The following CLSPN variants were observed in gnomAD, a reference collection of about 807,000 sequenced individuals.
CLSPN encodes the protein claspin.
A neutral mutation model predicts 156.3 loss-of-function variants in CLSPN; 85 were observed. The ratio of observed to expected loss-of-function variants is 0.54; its 90% confidence interval spans 0.46 to 0.65. The LOEUF (loss-of-function observed/expected upper bound fraction) is 0.65, where lower values mean the gene tolerates loss of function less well. CLSPN is among the 30% of genes least tolerant of loss of function. The pLI, the probability that CLSPN is intolerant of heterozygous loss-of-function variation, is 0.00. For synonymous variants in CLSPN, 534 were observed against 542.4 expected, an observed-to-expected ratio of 0.98 and a Z score of 0.22; for missense variants, 1,407 against 1,554.9, an observed-to-expected ratio of 0.90 and a Z score of 1.60.
chr1:35,725,065 C>A (rs150930018), intron 24 of CLSPN, among the ~76,000 whole-genome samples: 3 of 152,268 alleles, frequency 2.0e-5, no homozygotes, highest in African/African-American at 7.2e-5. Context: ...TCAACAAAAT[C>A]TTTCCAATAT....
chr1:35,756,063 T>C (rs993409022), intron 8 of CLSPN, among the ~76,000 whole-genome samples: 1 of 152,240 alleles, frequency 6.6e-6, no homozygotes, highest in African/African-American at 2.4e-5. Flanking sequence ...GATGTGTTTT[T>C]TTCCTCTAGA....
intron 1 of CLSPN, 39 bp downstream of exon 1, chr1:35,769,808 C>T: frequency 1.3e-6 from 2 of 1,577,576 alleles, no homozygotes; most frequent in Non-Finnish European, 1.7e-6. Flanking sequence ...CGGTGCCCGG[C>T]CTTCTAAGCC....
chr1:35,755,458 A>C lies in CLSPN; in HGVS notation c.1580-1522T>G, dbSNP rs529166509. On this transcript the variant is annotated intron_variant, in intron 8 of 24. Coordinates refer to ENST00000318121, the MANE Select transcript of CLSPN (RefSeq NM_022111.4). ...ATTTTTTTATTTTTATTTTTAGTAG[A>C]GATGGGGTTTCACCATGTTGGCCAG... Among the ~76,000 whole-genome samples the C allele has an allele frequency of 1.8e-3, 277 of 152,054 alleles. 1 individual carries two copies. Among genetic ancestry groups the C allele is most frequent in the African/African-American group, 6.1e-3 (253 of 41,474 alleles).
At chr1:35,753,530 TA>T (rs1642170177) in intron 9 of CLSPN, among the ~76,000 whole-genome samples, 1 of 121,482 alleles carries the variant, frequency 8.2e-6, no homozygotes, top group Non-Finnish European at 1.6e-5. Flanking sequence ...GGGTTTTTTA[TA>T]ATAAGACAAA....
intron 8 of CLSPN, among the ~76,000 whole-genome samples, chr1:35,757,209 G>A (rs552530949): frequency 1.3e-5 from 2 of 152,036 alleles, no homozygotes; most frequent in Non-Finnish European, 2.9e-5. Context: ...TACCTTGATC[G>A]CAGCACTTAC....
intron 1 of CLSPN, among the ~76,000 whole-genome samples, chr1:35,765,548 G>A (rs1169458346): frequency 6.6e-6 from 1 of 150,990 alleles, no homozygotes; most frequent in African/African-American, 2.4e-5. Flanking sequence ...TTTTAGTAAC[G>A]GTAAAAAAAA....
At chr1:35,727,633 C>T (rs1641225013), downstream of CLSPN, among the ~76,000 whole-genome samples, 1 of 152,196 alleles carries the variant, frequency 6.6e-6, no homozygotes, top group Non-Finnish European at 1.5e-5. Context: ...TGCACTGATC[C>T]TTGGAAACGG....
rs6664527 is a variant in CLSPN, at chr1:35,723,848, G to A, written c.3910-2868C>T. On this transcript the variant is annotated intron_variant, in intron 24 of 24. Transcript: ENST00000251195. ...TCTACTAAAAATACAAAAATTAGCC[G>A]GGCATGGTGGCACACGCCTGTAATC... Among the ~76,000 whole-genome samples, 306 of 152,214 alleles carry A rather than the reference G, an allele frequency of 2.0e-3. 1 individual carries two copies. Among genetic ancestry groups the A allele is most frequent in the African/African-American group, 6.9e-3 (287 of 41,520 alleles).
At chr1:35,731,471 G>A (rs574924041), downstream of CLSPN, among the ~76,000 whole-genome samples, 19 of 152,226 alleles carry the variant, frequency 1.2e-4, 1 homozygote, top group South Asian at 2.7e-3. Context: ...TGAGTGCAGC[G>A]GAAGACATTA....
chr1:35,721,074 T>G (rs1214203114), intron 24 of CLSPN: 2 of 864,088 alleles, frequency 2.3e-6, no homozygotes, highest in Non-Finnish European at 3.6e-6. Flanking sequence ...GCATCTAAAC[T>G]TATAGTTTTG....
Position 35,737,997 on chromosome 1 carries a change from T to G in CLSPN, c.3659A>C (p.Lys1220Thr). The change falls in exon 22 of 25, where the codon AAG becomes ACG. Residue 1220 changes from lysine to threonine, a missense_variant. Coordinates refer to ENST00000318121, the MANE Select transcript of CLSPN (RefSeq NM_022111.4). ...AAGGAGAAACAAGAGCTCACCATTC[T>G]TCTGCAGTGCTTTGGCTGTAACTTT... ...AKKVTAKALQ[K>T]NASRPMVIQE... The G allele has an allele frequency of 6.8e-7, 1 of 1,473,050 alleles. No individual in the cohort carries two copies. Among genetic ancestry groups the G allele is most frequent in the Non-Finnish European group, 9.1e-7 (1 of 1,098,846 alleles). 91.2% of individuals were successfully genotyped at this position (1,473,050 alleles called of 1,614,324 possible).
rs541572212 is a variant in CLSPN, at chr1:35,760,511, T to C, written c.1410A>G (p.Lys470=). ...GPQNPEETDE[K]VEEPEQQNKS... ...TATTTTGCTGCTCAGGCTCTTCCAC[T>C]TTCTCATCTGTTTCTTCTGGATTTT... Residue 470 remains lysine (K), a synonymous_variant, in exon 8 of 25, where the codon AAA becomes AAG. Coordinates refer to ENST00000318121, the MANE Select transcript of CLSPN (RefSeq NM_022111.4). 4.6e-5 allele frequency: 75 copies of C among 1,614,104 alleles called. No homozygotes were observed. The highest frequency in any genetic ancestry group is 6.2e-5 in the Non-Finnish European group (73 of 1,180,042).
rs1439554757 is a variant in CLSPN, at chr1:35,736,462, A to G, written c.*34T>C. ...TTCAGTGCTAGAAACTTCTCAAAGCAGTCTCAATGTAGATTTTGGCACCTT... is the reference window on the plus strand; with the variant it reads ...TTCAGTGCTAGAAACTTCTCAAAGCGGTCTCAATGTAGATTTTGGCACCTT... On this transcript the variant is annotated 3_prime_UTR_variant, in exon 25 of 25. Coordinates refer to ENST00000318121, the MANE Select transcript of CLSPN (RefSeq NM_022111.4). 6.5e-7 allele frequency: 1 copy of G among 1,547,386 alleles called. No individual in the cohort carries two copies. Among genetic ancestry groups the G allele is most frequent in the Non-Finnish European group, 8.7e-7 (1 of 1,148,848 alleles).
chr1:35,764,069 G>A (rs556972969), intron 3 of CLSPN, among the ~76,000 whole-genome samples, 197 bp downstream of exon 3: 1 of 152,096 alleles, frequency 6.6e-6, no homozygotes, highest in African/African-American at 2.4e-5. Context: ...CAAAGTGCTG[G>A]GATTAGACGT....
At chr1:35,748,172 T>C (rs1041898787) in intron 13 of CLSPN, 111 bp from the exon 14 acceptor site, 2 of 1,281,012 alleles carry the variant, frequency 1.6e-6, no homozygotes, top group African/African-American at 3.0e-5. Context: ...CTCAGGAAAT[T>C]GTAGTTGAGG....
Position 35,746,890 on chromosome 1 carries a change from C to G in CLSPN, c.2730G>C (p.Glu910Asp), listed in dbSNP as rs968872565. Residue 910 changes from glutamate to aspartate, a missense_variant, in exon 15 of 25, where the codon GAG becomes GAC. Glu to Asp is a conservative substitution (Grantham distance 45, BLOSUM62 2). Transcript: ENST00000318121. This position sits in a 1 kb window ranked among gnomAD's most constrained non-coding sequence, Gnocchi z 4.2. ...DENAMDANMD[E>D]LLDLCTGKFT... The stretch of plus-strand genomic sequence containing the variant: ...ACTTTCCAGTACACAAATCCAACAG[C>G]TCATCCATGTTGGCATCCATGGCAT... The G allele has an allele frequency of 6.2e-7, 1 of 1,613,542 alleles. No homozygotes were observed. The highest frequency in any genetic ancestry group is 1.3e-5 in the African/African-American group (1 of 74,930).
intron 10 of CLSPN, 133 bp downstream of exon 10, chr1:35,751,117 G>C: frequency 9.5e-7 from 1 of 1,056,230 alleles, no homozygotes; most frequent in East Asian, 2.4e-5. Context: ...AGGGATATAT[G>C]AGGTAGTTAC....
chr1:35,743,251 C>G lies in CLSPN; in HGVS notation c.3043-10G>C, dbSNP rs1237148971. 4.4e-6 allele frequency: 7 copies of G among 1,601,158 alleles called. No individual in the cohort carries two copies. The highest frequency in any genetic ancestry group is 6.0e-6 in the Non-Finnish European group (7 of 1,168,630). On this transcript the variant is annotated splice_polypyrimidine_tract_variant and intron_variant, in intron 17 of 24. Transcript: ENST00000318121. Reference sequence around the variant, plus strand: ...AGTCACTGTGTTCATCCTACAAAATCAGCATCATATCCAAATTAAGCAGAA... The same window carrying G: ...AGTCACTGTGTTCATCCTACAAAATGAGCATCATATCCAAATTAAGCAGAA...
downstream of CLSPN, among the ~76,000 whole-genome samples, chr1:35,727,988 C>T (rs1641231875): frequency 6.6e-6 from 1 of 152,094 alleles, no homozygotes; most frequent in African/African-American, 2.4e-5. Flanking sequence ...AGAACATTTC[C>T]TCTATGGCAG....
Sources: allele counts gnomAD v4.1 joint callset (sites outside exome capture counted in the v4.1 genomes callset), GRCh38; gene constraint gnomAD v4.1.1; non-coding constraint Gnocchi (gnomAD v3.1); transcripts MANE v1.5; gene names NCBI Gene and HGNC (gene_info 2026-07-23, HGNC 2026-07-21).